Variants in MEMO1 observed in about 807,000 individuals in gnomAD.
The protein encoded by MEMO1 is protein MEMO1.
Under a neutral mutation model 45.2 loss-of-function variants are expected in MEMO1, and 6 were observed. That is an observed-to-expected ratio of 0.13 (90% CI 0.07 to 0.26). The LOEUF is 0.26. Ranked by LOEUF, MEMO1 falls within the 10% of genes least tolerant of loss-of-function variation. The pLI is 1.00. For synonymous variants in MEMO1, 78 were observed against 124.3 expected (o/e 0.63, Z 2.48); for missense variants, 184 against 370.5 (o/e 0.50, Z 4.13).
intron 2 of MEMO1, among the ~76,000 whole-genome samples, chr2:31,973,447 C>G (rs986651142): frequency 6.6e-6 from 1 of 151,290 alleles, no homozygotes; most frequent in Non-Finnish European, 1.5e-5. Context: ...GAGCAAGACT[C>G]TGTCTCGGGA....
chr2:31,944,248 T>C (rs542568065), intron 2 of MEMO1, among the ~76,000 whole-genome samples: 15 of 152,346 alleles, frequency 9.8e-5, no homozygotes, highest in African/African-American at 3.6e-4. Flanking sequence ...TCCCATCACA[T>C]TAACGTAGTG....
chr2:31,895,837 CTTTT>C lies in MEMO1; in HGVS notation c.438-3707_438-3704del, dbSNP rs71412853. 8.2e-3 allele frequency among the ~76,000 whole-genome samples: 690 copies of C among 84,618 alleles called. 5 individuals are homozygous for C. Among genetic ancestry groups the C allele is most frequent in the Non-Finnish European group, 0.012 (555 of 46,298 alleles). 55.5% of individuals were successfully genotyped at this position (84,618 alleles called of 152,430 possible). On this transcript the variant is annotated intron_variant, in intron 6 of 9. Coordinates refer to ENST00000404530, the MANE Select transcript of MEMO1 (RefSeq NM_001301833.4). ...TGAAAACAAAACACAAGAAAAAAAT[CTTTT>C]TTTTTTTTTTTTTTTTTTTTTGAGA...
chr2:31,925,893 C>T (rs1683024213), intron 4 of MEMO1, among the ~76,000 whole-genome samples: 1 of 152,094 alleles, frequency 6.6e-6, no homozygotes, highest in Admixed American at 6.6e-5. Flanking sequence ...TGCATTCAAT[C>T]TGTGGTGATA....
chr2:31,989,886 G>A (rs1036225761), intron 2 of MEMO1, among the ~76,000 whole-genome samples: 11 of 152,158 alleles, frequency 7.2e-5, no homozygotes, highest in African/African-American at 2.7e-4. Flanking sequence ...GGAGGCCGAA[G>A]TAGACAAGAT....
intron 2 of MEMO1, among the ~76,000 whole-genome samples, chr2:31,950,708 G>T (rs1356271094): frequency 6.9e-6 from 1 of 145,340 alleles, no homozygotes; most frequent in Non-Finnish European, 1.5e-5. Context: ...GTGACACAGT[G>T]AGACTCCATC....
chr2:31,923,344 T>C (rs1405372445), intron 4 of MEMO1, among the ~76,000 whole-genome samples: 2 of 152,180 alleles, frequency 1.3e-5, no homozygotes, highest in Non-Finnish European at 2.9e-5. Context: ...TTTAAGTTCC[T>C]TATAGACGAC....
At chr2:31,899,592 C>T (rs1389326233) in intron 6 of MEMO1, among the ~76,000 whole-genome samples, 1 of 152,198 alleles carries the variant, frequency 6.6e-6, no homozygotes, top group Non-Finnish European at 1.5e-5. Context: ...TAGAAGAAAA[C>T]CTAGGCTATA....
intron 3 of MEMO1, among the ~76,000 whole-genome samples, chr2:31,942,643 C>A (rs1665748274): frequency 6.6e-6 from 1 of 152,036 alleles, no homozygotes; most frequent in South Asian, 2.1e-4. Flanking sequence ...ACTGCCACCC[C>A]CAGTAGCTTA....
At chr2:31,975,526 T>G (rs1461179392) in intron 2 of MEMO1, among the ~76,000 whole-genome samples, 1 of 152,174 alleles carries the variant, frequency 6.6e-6, no homozygotes, top group African/African-American at 2.4e-5. Context: ...AGTACAGCAC[T>G]TAGCTTCCAC....
At chr2:31,998,044 G>A (rs986549190) in intron 2 of MEMO1, among the ~76,000 whole-genome samples, 3 of 151,990 alleles carry the variant, frequency 2.0e-5, no homozygotes, top group Non-Finnish European at 2.9e-5. Flanking sequence ...AATCTCACTC[G>A]GTCACTCAAG....
chr2:31,900,737 A>G (rs1440248694), intron 6 of MEMO1, among the ~76,000 whole-genome samples: 1 of 152,208 alleles, frequency 6.6e-6, no homozygotes, highest in Admixed American at 6.5e-5. Flanking sequence ...ATGCAAATTA[A>G]CAGCATAATG....
chr2:31,967,688 TC>T (rs1404761454), intron 2 of MEMO1, among the ~76,000 whole-genome samples: 1 of 151,322 alleles, frequency 6.6e-6, no homozygotes, highest in Non-Finnish European at 1.5e-5. Flanking sequence ...AAGTGATCCA[TC>T]CAGCTTGGCC....
intron 3 of MEMO1, among the ~76,000 whole-genome samples, chr2:31,940,116 T>C (rs536984475): frequency 6.6e-6 from 1 of 152,138 alleles, no homozygotes; most frequent in Non-Finnish European, 1.5e-5. Context: ...TCCTCACTTA[T>C]TCTCCCTTCA....
At chr2:31,908,411 A>C (rs1208074273) in intron 6 of MEMO1, among the ~76,000 whole-genome samples, 1 of 152,210 alleles carries the variant, frequency 6.6e-6, no homozygotes, top group African/African-American at 2.4e-5. Flanking sequence ...CCTAACATGT[A>C]AAGATTTTAG....
intron 4 of MEMO1, among the ~76,000 whole-genome samples, chr2:31,926,114 C>A (rs1683071514): frequency 6.6e-6 from 1 of 152,120 alleles, no homozygotes; most frequent in African/African-American, 2.4e-5. Flanking sequence ...TGCCTGTAAT[C>A]TCAGCACTTT....
At chr2:31,930,129 GGCGT>G (rs1260114353) in intron 4 of MEMO1, among the ~76,000 whole-genome samples, 1 of 152,206 alleles carries the variant, frequency 6.6e-6, no homozygotes, top group East Asian at 1.9e-4. Context: ...TCAGTGTGGT[GGCGT>G]GCACCTGTAG....
chr2:31,904,876 G>A (rs1007601844), intron 6 of MEMO1, among the ~76,000 whole-genome samples: 4 of 152,206 alleles, frequency 2.6e-5, no homozygotes, highest in Non-Finnish European at 5.9e-5. Flanking sequence ...TCAGACCAAA[G>A]AGACATGCAT....
intron 2 of MEMO1, among the ~76,000 whole-genome samples, chr2:32,006,299 T>C (rs1470219310): frequency 6.6e-6 from 1 of 152,288 alleles, no homozygotes; most frequent in South Asian, 2.1e-4. Context: ...TCGGAGACAG[T>C]TGTAATTATT....
At chr2:31,996,406 T>G (rs1190021571) in intron 2 of MEMO1, among the ~76,000 whole-genome samples, 1 of 151,796 alleles carries the variant, frequency 6.6e-6, no homozygotes, top group Admixed American at 6.6e-5. Flanking sequence ...ATTAGCTGGG[T>G]GTGGTGGTGC....
Sources: allele counts gnomAD v4.1 joint callset (sites outside exome capture counted in the v4.1 genomes callset), GRCh38; gene constraint gnomAD v4.1.1; transcripts MANE v1.5; gene names NCBI Gene and HGNC (gene_info 2026-07-23, HGNC 2026-07-21).